SCART1: variants seen among roughly 807,000 people sequenced by gnomAD.
SCART1 encodes scavenger receptor cysteine-rich domain-containing protein SCART1.
SCART1 carries 62 observed loss-of-function variants against 36.2 expected under a neutral mutation model. That is an observed-to-expected ratio of 1.71 (90% CI 1.40 to 2.12). The LOEUF is 2.12. Ranked by LOEUF, SCART1 falls within the 30% of genes most tolerant of loss-of-function variation. SCART1 has a pLI of 0.00. For missense variants in SCART1, 1,041 were observed against 540.5 expected, an observed-to-expected ratio of 1.93 and a Z score of -9.18; for synonymous variants, 487 against 238.7, an observed-to-expected ratio of 2.04 and a Z score of -9.59.
At chr10:133,458,886 G>A (rs1850656321) in intron 4 of SCART1, 135 bp from the exon 5 acceptor site, 1 of 626,540 alleles carries the variant, frequency 1.6e-6, no homozygotes, top group Admixed American at 2.8e-5. Flanking sequence ...TGATGCAGAG[G>A]AGGGTGGGGG....
chr10:133,460,501 A>ATATATATATATATATATATAT (rs1564834625), intron 6 of SCART1, among the ~76,000 whole-genome samples: 1 of 140,488 alleles, frequency 7.1e-6, no homozygotes, highest in African/African-American at 2.7e-5. Flanking sequence ...TATATATTTT[A>ATATATATATATATATATATAT]AAAAATATTT....
At chr10:133,457,283 C>T (rs1197345617) in exon 3 of SCART1, 2 of 700,748 alleles carry the variant, frequency 2.9e-6, no homozygotes, top group African/African-American at 3.5e-5. Flanking sequence ...CCACAGACGG[C>T]ACTTTCCGGG....
In SCART1 at chr10:133,465,458, A is replaced by ACGAGGTGGGGTGCCGGGGCAGCGAGG; in HGVS notation, c.2555_2580dup (p.Ser861ArgfsTer73). On this transcript the variant is annotated frameshift_variant, in exon 9 of 12. Transcript: ENST00000640237. LOFTEE classifies it high-confidence loss of function. The stretch of plus-strand genomic sequence containing the variant: ...CCTGGCTCCGGGCCCGTGTGGCTGG[A>ACGAGGTGGGGTGCCGGGGCAGCGAGG]CGAGGTGGGGTGCCGGGGCAGCGAG... The ACGAGGTGGGGTGCCGGGGCAGCGAGG allele has an allele frequency of 1.9e-6, 1 of 529,778 alleles. No individual in the cohort carries two copies. Among genetic ancestry groups the ACGAGGTGGGGTGCCGGGGCAGCGAGG allele is most frequent in the Non-Finnish European group, 3.3e-6 (1 of 304,964 alleles). 32.8% of individuals were successfully genotyped at this position (529,778 alleles called of 1,614,324 possible).
chr10:133,462,962 C>A (rs945445165), intron 6 of SCART1, among the ~76,000 whole-genome samples: 1 of 152,158 alleles, frequency 6.6e-6, no homozygotes, highest in African/African-American at 2.4e-5. Context: ...AGTATTCTTT[C>A]TAAGCTTATT....
chr10:133,454,627 A>G (rs1024637310), intron 1 of SCART1, among the ~76,000 whole-genome samples: 13 of 151,920 alleles, frequency 8.6e-5, no homozygotes, highest in African/African-American at 3.1e-4. Flanking sequence ...AGCCCCGGGG[A>G]CCTGCGTACG....
At chr10:133,463,618 G>A (rs9663763) in intron 6 of SCART1, among the ~76,000 whole-genome samples, 2 of 150,236 alleles carry the variant, frequency 1.3e-5, no homozygotes, top group Non-Finnish European at 3.0e-5. Context: ...ATGTTGTCAC[G>A]GATCACATAA....
intron 6 of SCART1, among the ~76,000 whole-genome samples, chr10:133,462,296 A>G (rs896696575): frequency 6.6e-6 from 1 of 152,256 alleles, no homozygotes; most frequent in Non-Finnish European, 1.5e-5. Context: ...TTGGGAAACC[A>G]GATGGGACTG....
chr10:133,466,105 C>G (rs1396304866), intron 9 of SCART1, 130 bp from the exon 10 acceptor site: 2 of 629,242 alleles, frequency 3.2e-6, no homozygotes, highest in Admixed American at 5.1e-5. Context: ...AGATGCCCCC[C>G]CAGCACTTCC....
intron 4 of SCART1, 141 bp downstream of exon 4, chr10:133,458,797 A>G (rs1223614420): frequency 1.5e-6 from 1 of 671,076 alleles, no homozygotes; most frequent in Non-Finnish European, 2.6e-6. Context: ...AGCGCAGGGA[A>G]GAGACTGGGT....
chr10:133,465,453 G>T, exon 9 of SCART1: 1 of 533,806 alleles, frequency 1.9e-6, no homozygotes, highest in East Asian at 3.4e-5. Context: ...GGCCCGTGTG[G>T]CTGGACGAGG....
exon 1 of SCART1, chr10:133,454,052 G>A (rs1023971074): frequency 1.4e-6 from 1 of 703,002 alleles, no homozygotes; most frequent in South Asian, 1.5e-5. Flanking sequence ...GAATCTCTGG[G>A]CAGTCCCCAT....
intron 1 of SCART1, among the ~76,000 whole-genome samples, chr10:133,455,805 C>T (rs1300932664): frequency 2.0e-5 from 3 of 151,990 alleles, no homozygotes; most frequent in African/African-American, 4.8e-5. Context: ...AGGACAGGAC[C>T]GAAGGGTGAG....
intron 11 of SCART1, 95 bp from the exon 12 acceptor site, chr10:133,467,752 T>G (rs114868282): frequency 1.1e-5 from 6 of 555,856 alleles, no homozygotes; most frequent in Non-Finnish European, 1.6e-5. Flanking sequence ...CTGGTTGACA[T>G]GTTTATGCGT....
At chr10:133,459,732 A>G in exon 6 of SCART1, 1 of 699,428 alleles carries the variant, frequency 1.4e-6, no homozygotes, top group Non-Finnish European at 2.6e-6. Context: ...AACCCGCCTG[A>G]CTCAGTGCAA....
rs1850755940 is a variant in SCART1 at position 133,465,546 on chromosome 10, C to CGCGG, written c.2644_2647dup (p.Val883GlyfsTer69). The CGCGG allele has an allele frequency of 3.7e-6, 2 of 537,392 alleles. No individual in the cohort carries two copies. The allele number at this position is 537,392 out of a possible 1,614,324, so 33.3% of individuals were successfully genotyped here. ...GCGGAGACCGCGCGCACGAGGAGGA[C>CGCGG]GCGGGCGTGCGCTGCTGGGGTGAGT... On this transcript the variant is annotated frameshift_variant, in exon 9 of 12. Transcript: ENST00000640237. LOFTEE classifies it high-confidence loss of function.
At chr10:133,457,889 A>T in intron 3 of SCART1, 1 of 524,290 alleles carries the variant, frequency 1.9e-6, no homozygotes, top group Non-Finnish European at 3.4e-6. Context: ...GGGGTTGGGT[A>T]GAGGTCACTT....
At chr10:133,460,490 T>TATATATATATA (rs1564834608) in intron 6 of SCART1, among the ~76,000 whole-genome samples, 3 of 102,946 alleles carry the variant, frequency 2.9e-5, no homozygotes, top group South Asian at 3.6e-4. Context: ...ATATATATAT[T>TATATATATATA]TATATATTTT....
chr10:133,455,118 T>G (rs1396480934), intron 1 of SCART1, among the ~76,000 whole-genome samples: 6 of 151,862 alleles, frequency 4.0e-5, no homozygotes, highest in Non-Finnish European at 8.8e-5. Context: ...AATACAAAAA[T>G]TAGCCAGTCG....
chr10:133,465,676 G>T (rs1850757429), intron 9 of SCART1, 111 bp downstream of exon 9: 2 of 604,190 alleles, frequency 3.3e-6, no homozygotes, highest in Non-Finnish European at 5.9e-6. Context: ...GGTGTTAGTG[G>T]GTTGGTTTCC....
Sources: gnomAD v4.1 joint callset for allele counts (sites outside exome capture counted in the v4.1 genomes callset) on GRCh38, gnomAD v4.1.1 for gene constraint, MANE v1.5 for transcripts, NCBI Gene and HGNC (gene_info 2026-07-23, HGNC 2026-07-21) for gene names.